Variants in TRDMT1 observed in about 807,000 individuals in gnomAD.
TRDMT1 encodes the protein tRNA aspartic acid methyltransferase 1.
A neutral mutation model predicts 51.2 loss-of-function variants in TRDMT1; 49 were observed. That is an observed-to-expected ratio of 0.96 (90% CI 0.76 to 1.21). TRDMT1 has a LOEUF of 1.21. TRDMT1 is among the 50% of genes most tolerant of loss of function. The pLI is 0.00. For missense variants in TRDMT1, 534 were observed against 462.3 expected (o/e 1.16, Z -1.42); for synonymous variants, 187 against 164.6 (o/e 1.14, Z -1.04).
rs188841581 is a variant in TRDMT1 at position 17,144,311 on chromosome 10, A to C, written c.*4729T>G. On this transcript the variant is annotated 3_prime_UTR_variant, in exon 11 of 11. Transcript: ENST00000377799. ...AAAATAGAAATCAAAATGCAAACAAAATACAGAGCAAATATTTGAAGTAAA... is the reference window on the plus strand; with the variant it reads ...AAAATAGAAATCAAAATGCAAACAACATACAGAGCAAATATTTGAAGTAAA... The C allele has an allele frequency of 1.0e-6, 1 of 985,528 alleles. No homozygotes were observed. The highest frequency in any genetic ancestry group is 6.1e-5 in the Admixed American group (1 of 16,286). 61.0% of individuals were successfully genotyped at this position (985,528 alleles called of 1,614,324 possible).
Position 17,141,375 on chromosome 10 carries a change from T to C in TRDMT1, c.*7665A>G, listed in dbSNP as rs1837673115. On this transcript the variant is annotated 3_prime_UTR_variant, in exon 11 of 11. Coordinates refer to ENST00000377799, the MANE Select transcript of TRDMT1 (RefSeq NM_004412.7). ...CGGGGTTTCACCATGTTGGAAAGGA[T>C]GGTCTCTATCTCCTGACCTTATGAT... 6.6e-6 allele frequency among the ~76,000 whole-genome samples: 1 copy of C among 152,186 alleles called. No individual in the cohort carries two copies. Among genetic ancestry groups the C allele is most frequent in the Non-Finnish European group, 1.5e-5 (1 of 68,026 alleles).
rs1837927680 is a variant in TRDMT1 at position 17,144,370 on chromosome 10, GA to G, written c.*4669del. 2 of 985,168 alleles carry G rather than the reference GA, an allele frequency of 2.0e-6. No individual in the cohort carries two copies. Among genetic ancestry groups the G allele is most frequent in the South Asian group, 9.4e-5 (2 of 21,282 alleles). 61.0% of individuals were successfully genotyped at this position (985,168 alleles called of 1,614,324 possible). A position where few individuals can be genotyped will look rare whatever the true frequency, so the allele number is the denominator to read the frequency against. ...CCATGCTAGGTACAAGCAAAGAAAT[GA>G]AAAAACCCTAGGCTTATTCAGAAAA... On this transcript the variant is annotated 3_prime_UTR_variant, in exon 11 of 11. Transcript: ENST00000377799.
rs10688504 is a variant in TRDMT1 at position 17,186,049 on chromosome 10, T to TAATAAATAAATAAATA, written c.65-11405_65-11390dup. Among the ~76,000 whole-genome samples, 125 of 143,070 alleles carry TAATAAATAAATAAATA rather than the reference T, an allele frequency of 8.7e-4. 1 individual carries two copies. The highest frequency in any genetic ancestry group is 3.6e-3 in the Middle Eastern group (1 of 278). The allele number at this position is 143,070 out of a possible 152,430, so 93.9% of individuals were successfully genotyped here. A position where few individuals can be genotyped will look rare whatever the true frequency, so the allele number is the denominator to read the frequency against. ...CACATGTACCCTAGAACTTACAGTA[T>TAATAAATAAATAAATA]AATAAATAAATAAATAAATAAATAA... On this transcript the variant is annotated intron_variant, in intron 1 of 10. Coordinates refer to ENST00000377799, the MANE Select transcript of TRDMT1 (RefSeq NM_004412.7).
intron 10 of TRDMT1, chr10:17,153,295 G>A: frequency 1.7e-6 from 1 of 580,330 alleles, no homozygotes; most frequent in Non-Finnish European, 3.0e-6. Flanking sequence ...ACCCACTACT[G>A]GAGTTAGAGA....
At chr10:17,161,591 T>A in intron 4 of TRDMT1, 43 bp from the exon 5 acceptor site, 1 of 1,027,422 alleles carries the variant, frequency 9.7e-7, no homozygotes, top group Non-Finnish European at 1.3e-6. Context: ...ATCTCATTAC[T>A]AAGAAGAAAA....
At chr10:17,183,985 CAAT>C (rs1315469142) in intron 1 of TRDMT1, among the ~76,000 whole-genome samples, 1 of 152,078 alleles carries the variant, frequency 6.6e-6, no homozygotes, top group East Asian at 1.9e-4. Flanking sequence ...GCTAACTCAA[CAAT>C]AATCAAAAGA....
chr10:17,191,785 T>G (rs1227665675), intron 1 of TRDMT1, among the ~76,000 whole-genome samples: 1 of 152,058 alleles, frequency 6.6e-6, no homozygotes, highest in Non-Finnish European at 1.5e-5. Flanking sequence ...TGTCTGTTAT[T>G]GGTCAAAAGT....
intron 1 of TRDMT1, among the ~76,000 whole-genome samples, chr10:17,198,243 G>C (rs755220253): frequency 2.6e-5 from 4 of 152,148 alleles, no homozygotes; most frequent in Non-Finnish European, 5.9e-5. Flanking sequence ...AAACAGGCTG[G>C]TGGTTCCTCA....
In TRDMT1 at chr10:17,144,948, A is replaced by G; in HGVS notation, c.*4092T>C. 2 of 985,348 alleles carry G rather than the reference A, an allele frequency of 2.0e-6. No homozygotes were observed. Among genetic ancestry groups the G allele is most frequent in the Non-Finnish European group, 2.4e-6 (2 of 829,904 alleles). The allele number at this position is 985,348 out of a possible 1,614,324, so 61.0% of individuals were successfully genotyped here. On this transcript the variant is annotated 3_prime_UTR_variant, in exon 11 of 11. Coordinates refer to ENST00000377799, the MANE Select transcript of TRDMT1 (RefSeq NM_004412.7). ...TGTGCAAGATGCTTAATGCCTTTTTAAAAAACATGCAAAGGGAGGCTGGGC... is the reference window on the plus strand; with the variant it reads ...TGTGCAAGATGCTTAATGCCTTTTTGAAAAACATGCAAAGGGAGGCTGGGC...
chr10:17,142,971 CA>C lies in TRDMT1; in HGVS notation c.*6068del, dbSNP rs1837804308. ...TAAATCTACACTCTCTTGTCAAGAC[CA>C]GAAGTCAGAATACAGTATTTTAAAA... On this transcript the variant is annotated 3_prime_UTR_variant, in exon 11 of 11. Coordinates refer to ENST00000377799, the MANE Select transcript of TRDMT1 (RefSeq NM_004412.7). 1 of 984,036 alleles carries C rather than the reference CA, an allele frequency of 1.0e-6. No individual in the cohort carries two copies. Among genetic ancestry groups the C allele is most frequent in the Middle Eastern group, 5.2e-4 (1 of 1,912 alleles). 61.0% of individuals were successfully genotyped at this position (984,036 alleles called of 1,614,324 possible). A position where few individuals can be genotyped will look rare whatever the true frequency, so the allele number is the denominator to read the frequency against.
chr10:17,160,504 C>T, intron 5 of TRDMT1, 130 bp from the exon 6 acceptor site: 1 of 492,932 alleles, frequency 2.0e-6, no homozygotes, highest in East Asian at 3.6e-5. Flanking sequence ...CAGAGTCTCA[C>T]TCTGTTGCCC....
At chr10:17,201,323 C>A in intron 1 of TRDMT1, 4 of 495,556 alleles carry the variant, frequency 8.1e-6, no homozygotes, top group South Asian at 2.8e-5. Context: ...CGACTCCCAA[C>A]TGGGCCCTTT....
chr10:17,141,387 C>G lies in TRDMT1; in HGVS notation c.*7653G>C, dbSNP rs976785079. On this transcript the variant is annotated 3_prime_UTR_variant, in exon 11 of 11. Transcript: ENST00000377799. ...ATGTTGGAAAGGATGGTCTCTATCT[C>G]CTGACCTTATGATCTGCCCCCCTTC... Among the ~76,000 whole-genome samples, 2 of 152,166 alleles carry G rather than the reference C, an allele frequency of 1.3e-5. No homozygotes were observed. The highest frequency in any genetic ancestry group is 2.4e-5 in the African/African-American group (1 of 41,432).
At chr10:17,166,484 C>G (rs567426948) in intron 3 of TRDMT1, among the ~76,000 whole-genome samples, 4 of 152,012 alleles carry the variant, frequency 2.6e-5, no homozygotes, top group Admixed American at 1.3e-4. Context: ...CAAACATGCA[C>G]GTTGTGCACA....
chr10:17,157,416 G>T (rs772854502), intron 8 of TRDMT1, 25 bp downstream of exon 8: 2 of 1,543,592 alleles, frequency 1.3e-6, no homozygotes, highest in African/African-American at 2.8e-5. Flanking sequence ...TTTGGATACA[G>T]GATCAATAGA....
At chr10:17,173,602 T>G (rs568247793) in intron 2 of TRDMT1, among the ~76,000 whole-genome samples, 3 of 152,266 alleles carry the variant, frequency 2.0e-5, no homozygotes, top group Admixed American at 2.0e-4. Context: ...TTCTAAGTCT[T>G]GATTGTGGTG....
intron 1 of TRDMT1, among the ~76,000 whole-genome samples, chr10:17,193,779 C>G (rs1845018898): frequency 6.6e-6 from 1 of 152,158 alleles, no homozygotes; most frequent in Non-Finnish European, 1.5e-5. Context: ...AAACTACTAG[C>G]ATCATTTTTT....
chr10:17,174,592 A>G lies in TRDMT1; in HGVS notation c.133T>C (p.Tyr45His). The part of the protein sequence containing the change: ...VNTVANEVYK[Y>H]NFPHTQLLAK... ...AGTAACTGTGTGTGAGGAAAATTAT[A>G]CTTGTATACTTCATTAGCGACAGTG... Residue 45 changes from tyrosine (Y) to histidine (H), a missense_variant, in exon 2 of 11, where the codon TAT becomes CAT. By Grantham distance (83) the Tyr-to-His change is moderately conservative (BLOSUM62 2). Coordinates refer to ENST00000377799, the MANE Select transcript of TRDMT1 (RefSeq NM_004412.7). The G allele has an allele frequency of 6.2e-7, 1 of 1,614,036 alleles. No individual in the cohort carries two copies. The highest frequency in any genetic ancestry group is 8.5e-7 in the Non-Finnish European group (1 of 1,179,942).
At chr10:17,153,446 C>A (rs1439611223) in intron 10 of TRDMT1, 61 bp downstream of exon 10, 1 of 1,593,484 alleles carries the variant, frequency 6.3e-7, no homozygotes, top group Non-Finnish European at 8.6e-7. Flanking sequence ...ACACACAAGT[C>A]CCTAAAGATT....
Sources: allele counts gnomAD v4.1 joint callset (sites outside exome capture counted in the v4.1 genomes callset), GRCh38; gene constraint gnomAD v4.1.1; transcripts MANE v1.5; gene names NCBI Gene and HGNC (gene_info 2026-07-23, HGNC 2026-07-21).